The following CNTN1 variants were observed in gnomAD, a reference collection of about 807,000 sequenced individuals.
The protein encoded by CNTN1 is contactin-1.
In CNTN1, 38 loss-of-function variants were observed where a neutral mutation model predicts 126.4. That is an observed-to-expected ratio of 0.30 (90% confidence interval 0.23 to 0.39). CNTN1 has a LOEUF of 0.39. CNTN1 is among the 10% of genes least tolerant of loss of function. The pLI is 1.00. For synonymous variants in CNTN1, 413 were observed against 422.6 expected (o/e 0.98, Z 0.28); for missense variants, 1,009 against 1,248.4 (o/e 0.81, Z 2.89).
At chr12:41,067,646 T>G (rs1005882082) in intron 23 of CNTN1, among the ~76,000 whole-genome samples, 2 of 147,656 alleles carry the variant, frequency 1.4e-5, no homozygotes, top group African/African-American at 5.0e-5. Flanking sequence ...GGGATAGCAT[T>G]GGGAGATATA....
At chr12:40,695,663 T>C (rs540934957) in intron 1 of CNTN1, among the ~76,000 whole-genome samples, 2 of 152,356 alleles carry the variant, frequency 1.3e-5, no homozygotes, top group East Asian at 3.9e-4. Context: ...TATTGATGTA[T>C]TATCGATTGT....
intron 3 of CNTN1, among the ~76,000 whole-genome samples, chr12:40,918,030 C>T (rs1945305251): frequency 6.6e-6 from 1 of 152,134 alleles, no homozygotes; most frequent in Admixed American, 6.6e-5. Flanking sequence ...CATTCAGACT[C>T]TTGTTCAAAA....
At chr12:41,003,281 C>G (rs1277687659) in intron 17 of CNTN1, among the ~76,000 whole-genome samples, 1 of 152,148 alleles carries the variant, frequency 6.6e-6, no homozygotes, top group Non-Finnish European at 1.5e-5. Flanking sequence ...CCTTGCTTCC[C>G]AGAGATAAAG....
At chr12:40,813,058 T>TCTTTCTTC (rs71078274) in intron 1 of CNTN1, among the ~76,000 whole-genome samples, 35 of 104,788 alleles carry the variant, frequency 3.3e-4, no homozygotes, top group African/African-American at 1.1e-3. Flanking sequence ...TTTCTTTCTT[T>TCTTTCTTC]CTTCCTTCCT....
intron 23 of CNTN1, among the ~76,000 whole-genome samples, chr12:41,036,413 A>G (rs1949265952): frequency 6.6e-6 from 1 of 152,178 alleles, no homozygotes; most frequent in Admixed American, 6.6e-5. Context: ...CATCAAGACT[A>G]ACTTAGAGAA....
intron 1 of CNTN1, among the ~76,000 whole-genome samples, chr12:40,864,781 A>G (rs1434357457): frequency 6.6e-6 from 1 of 152,178 alleles, no homozygotes; most frequent in Non-Finnish European, 1.5e-5. Flanking sequence ...GGCTATTATG[A>G]ATAATGCAGC....
chr12:41,048,150 A>G (rs910754198), intron 23 of CNTN1, among the ~76,000 whole-genome samples: 5 of 152,152 alleles, frequency 3.3e-5, no homozygotes, highest in Non-Finnish European at 7.3e-5. Context: ...CTCCAAGCCT[A>G]CACTTTCATG....
Position 41,014,309 on chromosome 12 carries a change from A to G in CNTN1, c.2184+11A>G, listed in dbSNP as rs1483624144. The G allele has an allele frequency of 6.2e-7, 1 of 1,613,490 alleles. No homozygotes were observed. Among genetic ancestry groups the G allele is most frequent in the South Asian group, 1.1e-5 (1 of 91,072 alleles). On this transcript the variant is annotated intron_variant, in intron 18 of 23. Transcript: ENST00000551295. ...ACCATAACATGGGCGGTAAGTATTGATGAGTTGCACATATTATAGGTTGCT... is the reference window on the plus strand; with the variant it reads ...ACCATAACATGGGCGGTAAGTATTGGTGAGTTGCACATATTATAGGTTGCT...
chr12:40,947,782 TACACACACACAC>T lies in CNTN1; in HGVS notation c.1683+3648_1683+3659del, dbSNP rs56852774. On this transcript the variant is annotated intron_variant, in intron 14 of 23. Coordinates refer to ENST00000551295, the MANE Select transcript of CNTN1 (RefSeq NM_001843.4). Reference sequence around the variant, plus strand: ...ACTATTTCATATATATATATATATATACACACACACACACACACACACACACACACACACACA... The same window carrying T: ...ACTATTTCATATATATATATATATATACACACACACACACACACACACACA... Among the ~76,000 whole-genome samples the T allele has an allele frequency of 1.7e-3, 203 of 118,896 alleles. 4 individuals carry two copies. Among genetic ancestry groups the T allele is most frequent in the South Asian group, 3.0e-3 (11 of 3,708 alleles). The allele number at this position is 118,896 out of a possible 152,430, so 78.0% of individuals were successfully genotyped here.
At chr12:40,696,950 T>C (rs184219005) in intron 1 of CNTN1, among the ~76,000 whole-genome samples, 15 of 152,366 alleles carry the variant, frequency 9.8e-5, no homozygotes, top group Admixed American at 5.9e-4. Flanking sequence ...TGTATTTAGC[T>C]TTTTAAACTT....
intron 1 of CNTN1, among the ~76,000 whole-genome samples, chr12:40,744,142 G>T (rs1480974734): frequency 6.6e-6 from 1 of 151,928 alleles, no homozygotes; most frequent in Non-Finnish European, 1.5e-5. Flanking sequence ...CAGTAGCAGG[G>T]GTAGAGGGAG....
intron 17 of CNTN1, among the ~76,000 whole-genome samples, chr12:41,006,030 T>G (rs1679608121): frequency 6.6e-6 from 1 of 152,220 alleles, no homozygotes; most frequent in African/African-American, 2.4e-5. Flanking sequence ...CTCAGAGGAT[T>G]CTTTTTCATC....
At chr12:40,844,778 G>GTAA (rs1352783815) in intron 1 of CNTN1, among the ~76,000 whole-genome samples, 1 of 152,118 alleles carries the variant, frequency 6.6e-6, no homozygotes, top group Non-Finnish European at 1.5e-5. Flanking sequence ...AGTTAAAAGT[G>GTAA]TAATAATAAT....
chr12:41,028,991 C>A, intron 22 of CNTN1, 72 bp from the exon 23 acceptor site: 1 of 1,406,150 alleles, frequency 7.1e-7, no homozygotes, highest in Non-Finnish European at 1.0e-6. Flanking sequence ...CATTTTTATT[C>A]TGGTTTTAGT....
intron 3 of CNTN1, 66 bp downstream of exon 3, chr12:40,910,171 T>G: frequency 8.1e-7 from 1 of 1,239,418 alleles, no homozygotes; most frequent in Non-Finnish European, 1.2e-6. Context: ...TTATCTCTGC[T>G]TTAAACTATT....
intron 3 of CNTN1, among the ~76,000 whole-genome samples, chr12:40,911,935 A>G (rs17128930): frequency 0.065 from 9,872 of 152,236 alleles, 530 homozygotes; most frequent in Admixed American, 0.16. Context: ...TTGTCATGAA[A>G]GTAAAGGGCA....
intron 1 of CNTN1, among the ~76,000 whole-genome samples, chr12:40,700,229 A>T (rs572034821): frequency 1.1e-4 from 17 of 152,264 alleles, no homozygotes; most frequent in African/African-American, 3.6e-4. Flanking sequence ...AACTTGAATT[A>T]TTAAAATATT....
chr12:40,769,201 CAT>C (rs1283325564), intron 1 of CNTN1, among the ~76,000 whole-genome samples: 1 of 151,794 alleles, frequency 6.6e-6, no homozygotes, highest in Non-Finnish European at 1.5e-5. Context: ...TTAAAAAAAA[CAT>C]AAAATAAAAA....
intron 14 of CNTN1, among the ~76,000 whole-genome samples, chr12:40,956,655 TGAGTGA>T (rs1222656482): frequency 1.3e-5 from 2 of 151,992 alleles, no homozygotes; most frequent in Admixed American, 6.6e-5. Context: ...GAGCAGAGTG[TGAGTGA>T]GATGGCACAC....
Sources: gnomAD v4.1 joint callset for allele counts (sites outside exome capture counted in the v4.1 genomes callset) on GRCh38, gnomAD v4.1.1 for gene constraint, MANE v1.5 for transcripts, NCBI Gene and HGNC (gene_info 2026-07-23, HGNC 2026-07-21) for gene names.